HPCAL1: variants seen among roughly 807,000 people sequenced by gnomAD.
HPCAL1 encodes hippocalcin like 1, also known as hippocalcin-like protein 1.
A neutral mutation model predicts 17.1 loss-of-function variants in HPCAL1; 8 were observed. The ratio of observed to expected loss-of-function variants is 0.47; its 90% confidence interval spans 0.27 to 0.84. The LOEUF (loss-of-function observed/expected upper bound fraction) is 0.84, where lower values mean the gene tolerates loss of function less well. HPCAL1 is among the 40% of genes least tolerant of loss of function. The probability of loss-of-function intolerance (pLI) is 0.13; values close to 1 mark genes in which losing one functional copy is unlikely to be tolerated. For missense variants in HPCAL1, 165 were observed against 271.1 expected (o/e 0.61, Z 2.75); for synonymous variants, 112 against 111.4 (o/e 1.01, Z -0.03).
chr2:10,325,378 T>C (rs1663945025), intron 1 of HPCAL1, among the ~76,000 whole-genome samples: 1 of 152,200 alleles, frequency 6.6e-6, no homozygotes, highest in Admixed American at 6.5e-5. Flanking sequence ...TCTGAGGCTA[T>C]CATTATTTTA....
At position 10,367,926 on chromosome 2, in the gene HPCAL1, A is replaced by G. The variant is rs1666945932; in HGVS notation, c.-110-28909A>G. On this transcript the variant is annotated intron_variant, in intron 1 of 4. Transcript: ENST00000307845. The surrounding 1 kb of genome is among the most constrained non-coding windows in gnomAD (Gnocchi z 4.4). ...TGTGTGTATGTGCGTGTGTGCCCAT[A>G]TGCGTGTGTAGGTGTGTGCATATGT... Among the ~76,000 whole-genome samples, 1 of 151,884 alleles carries G rather than the reference A, an allele frequency of 6.6e-6. No homozygotes were observed. Among genetic ancestry groups the G allele is most frequent in the Non-Finnish European group, 1.5e-5 (1 of 67,938 alleles).
At position 10,346,203 on chromosome 2, in the gene HPCAL1, A is replaced by AG. The variant is rs566700703; in HGVS notation, c.-111+43033dup. On this transcript the variant is annotated intron_variant, in intron 1 of 4. Coordinates refer to ENST00000307845, the MANE Select transcript of HPCAL1 (RefSeq NM_002149.4). ...ACAGCTGCACTCATGTCCTTCTTTG[A>AG]GGGGGGGTGACGGGGAGAAAGTTGG... is the stretch of plus-strand genomic sequence containing the variant. Among the ~76,000 whole-genome samples, 158 of 138,670 alleles carry AG rather than the reference A, an allele frequency of 1.1e-3. 2 individuals carry two copies. The highest frequency in any genetic ancestry group is 3.9e-3 in the African/African-American group (139 of 35,886). 91.0% of individuals were successfully genotyped at this position (138,670 alleles called of 152,430 possible). A position where few individuals can be genotyped will look rare whatever the true frequency, so the allele number is the denominator to read the frequency against.
At chr2:10,388,867 C>T (rs1668502295) in intron 1 of HPCAL1, among the ~76,000 whole-genome samples, 2 of 152,168 alleles carry the variant, frequency 1.3e-5, no homozygotes, top group African/African-American at 4.8e-5. Flanking sequence ...TGTGCTGAGA[C>T]CCTCACTCCG....
intron 1 of HPCAL1, chr2:10,369,049 C>T (rs1002780467): frequency 5.3e-5 from 8 of 152,166 alleles, no homozygotes; most frequent in Non-Finnish European, 8.8e-5. Flanking sequence ...CTGGGGGAAG[C>T]CTGAGGACTC....
intron 1 of HPCAL1, among the ~76,000 whole-genome samples, chr2:10,325,673 C>A (rs1016310050): frequency 1.3e-5 from 2 of 151,998 alleles, no homozygotes; most frequent in Non-Finnish European, 2.9e-5. Context: ...GGCATCCCTG[C>A]AGAGGGAACT....
chr2:10,402,089 G>A (rs1007348244), intron 2 of HPCAL1, among the ~76,000 whole-genome samples: 2 of 152,108 alleles, frequency 1.3e-5, no homozygotes, highest in East Asian at 1.9e-4. Context: ...GAGTAGAGAC[G>A]GGGTTTCACC....
At chr2:10,391,909 C>T (rs542031091) in intron 1 of HPCAL1, among the ~76,000 whole-genome samples, 14 of 151,804 alleles carry the variant, frequency 9.2e-5, no homozygotes, top group South Asian at 4.2e-4. Flanking sequence ...CCACCACACC[C>T]GGCTAATGTT....
chr2:10,347,072 T>C (rs1665510825), intron 1 of HPCAL1, among the ~76,000 whole-genome samples: 1 of 151,164 alleles, frequency 6.6e-6, no homozygotes, highest in Non-Finnish European at 1.5e-5. Context: ...TTACTGGGAT[T>C]CACTTTCAGA....
At chr2:10,423,379 T>A (rs1259735087) in intron 4 of HPCAL1, 1 of 341,334 alleles carries the variant, frequency 2.9e-6, no homozygotes, top group Non-Finnish European at 5.6e-6. Context: ...GTGGGTACAA[T>A]GTTTAGGGGC....
rs1231557106 is a variant in HPCAL1 at position 10,323,829 on chromosome 2, C to T, written c.-111+20652C>T. Among the ~76,000 whole-genome samples the T allele has an allele frequency of 2.0e-5, 3 of 152,178 alleles. No homozygotes were observed. The highest frequency in any genetic ancestry group is 2.9e-5 in the Non-Finnish European group (2 of 68,038). ...CAATAACAACAACAACAAAAATCTGCGTCTTGTCGGAACTTCCATATACAC... is the reference window on the plus strand; with the variant it reads ...CAATAACAACAACAACAAAAATCTGTGTCTTGTCGGAACTTCCATATACAC... On this transcript the variant is annotated intron_variant, in intron 1 of 4. Coordinates refer to ENST00000307845, the MANE Select transcript of HPCAL1 (RefSeq NM_002149.4). This position sits in a 1 kb window ranked among gnomAD's most constrained non-coding sequence, Gnocchi z 4.6.
Position 10,332,780 on chromosome 2 carries a change from G to A in HPCAL1, c.-111+29603G>A, listed in dbSNP as rs149389049. Among the ~76,000 whole-genome samples the A allele has an allele frequency of 8.2e-3, 1,249 of 152,252 alleles. 6 individuals carry two copies. Among genetic ancestry groups the A allele is most frequent in the Middle Eastern group, 0.02 (6 of 294 alleles). On this transcript the variant is annotated intron_variant, in intron 1 of 4. Coordinates refer to ENST00000307845, the MANE Select transcript of HPCAL1 (RefSeq NM_002149.4). Reference sequence around the variant, plus strand: ...GTAGGGGGATTCTTGCCAAAGGCAGGGGGGGACTTTGATGTCAAAGGTGGG... The same window carrying A: ...GTAGGGGGATTCTTGCCAAAGGCAGAGGGGGACTTTGATGTCAAAGGTGGG...
At position 10,419,269 on chromosome 2, in the gene HPCAL1, T is replaced by C. The variant is rs1670879865; in HGVS notation, c.-24-465T>C. On this transcript the variant is annotated intron_variant, in intron 2 of 4. Transcript: ENST00000307845. The surrounding 1 kb of genome is among the most constrained non-coding windows in gnomAD (Gnocchi z 5.0). Reference sequence around the variant, plus strand: ...GTGGGTGGGGGTGACTCCCTGAAAGTTTCTAGACGCCTCTTCTAAAGATAA... The same window carrying C: ...GTGGGTGGGGGTGACTCCCTGAAAGCTTCTAGACGCCTCTTCTAAAGATAA... 6.6e-6 allele frequency among the ~76,000 whole-genome samples: 1 copy of C among 151,980 alleles called. No homozygotes were observed. The highest frequency in any genetic ancestry group is 1.5e-5 in the Non-Finnish European group (1 of 67,982).
rs894504817 is a variant in HPCAL1 at position 10,362,146 on chromosome 2, G to C, written c.-110-34689G>C. On this transcript the variant is annotated intron_variant, in intron 1 of 4. Transcript: ENST00000307845. The surrounding 1 kb of genome is among the most constrained non-coding windows in gnomAD (Gnocchi z 5.0). ...CTAGTAAGTGATGGGCAGGGCTGTG[G>C]AGCTGGTTCACTTGACTCTGCTGCC... Among the ~76,000 whole-genome samples, 6 of 152,240 alleles carry C rather than the reference G, an allele frequency of 3.9e-5. No individual in the cohort carries two copies. The highest frequency in any genetic ancestry group is 8.8e-5 in the Non-Finnish European group (6 of 68,040).
intron 4 of HPCAL1, 73 bp from the exon 5 acceptor site, chr2:10,426,651 C>A: frequency 8.3e-7 from 1 of 1,203,664 alleles, no homozygotes; most frequent in Non-Finnish European, 1.2e-6. Context: ...GACCTGAGAG[C>A]TGTCCCCATC....
At chr2:10,315,013 C>G (rs1212518671) in intron 1 of HPCAL1, among the ~76,000 whole-genome samples, 3 of 152,118 alleles carry the variant, frequency 2.0e-5, no homozygotes, top group Admixed American at 6.5e-5. Context: ...TTATGCAGGC[C>G]AGGCGCGGTG....
At chr2:10,364,550 C>T (rs912921238) in intron 1 of HPCAL1, among the ~76,000 whole-genome samples, 10 of 151,326 alleles carry the variant, frequency 6.6e-5, no homozygotes, top group African/African-American at 1.7e-4. Flanking sequence ...CTTCCCTCCC[C>T]GGCCCTGACG....
At chr2:10,332,760 G>A (rs1397164705) in intron 1 of HPCAL1, among the ~76,000 whole-genome samples, 1 of 152,208 alleles carries the variant, frequency 6.6e-6, no homozygotes, top group South Asian at 2.1e-4. Context: ...CACAGGTAGG[G>A]GGATTCTTGC....
At position 10,363,630 on chromosome 2, in the gene HPCAL1, C is replaced by G. The variant is rs1666658717; in HGVS notation, c.-110-33205C>G. ...AGCTCACAAGCTAAAGTGCAGATTC[C>G]TGGGTCATCCCAGACCTGCTGAAGC... On this transcript the variant is annotated intron_variant, in intron 1 of 4. Transcript: ENST00000307845. The surrounding 1 kb of genome is among the most constrained non-coding windows in gnomAD (Gnocchi z 4.7). 6.6e-6 allele frequency among the ~76,000 whole-genome samples: 1 copy of G among 152,204 alleles called. No homozygotes were observed. The highest frequency in any genetic ancestry group is 1.5e-5 in the Non-Finnish European group (1 of 68,040).
At chr2:10,318,779 G>A (rs1663484722) in intron 1 of HPCAL1, among the ~76,000 whole-genome samples, 1 of 152,200 alleles carries the variant, frequency 6.6e-6, no homozygotes, top group Admixed American at 6.5e-5. Context: ...CCACTCCCTT[G>A]CAGTGTAATG....
Sources: allele counts gnomAD v4.1 joint callset (sites outside exome capture counted in the v4.1 genomes callset), GRCh38; gene constraint gnomAD v4.1.1; non-coding constraint Gnocchi (gnomAD v3.1); transcripts MANE v1.5; gene names NCBI Gene and HGNC (gene_info 2026-07-23, HGNC 2026-07-21).